Variants in CCNT2 observed in about 807,000 individuals in gnomAD.
CCNT2 encodes the protein cyclin T2.
A neutral mutation model predicts 70.0 loss-of-function variants in CCNT2; 18 were observed. That is an observed-to-expected ratio of 0.26 (90% CI 0.18 to 0.38). CCNT2 has a LOEUF of 0.38. Among genes scored for constraint, CCNT2 ranks in the 10% least tolerant of loss-of-function variants. The pLI, the probability that CCNT2 is intolerant of heterozygous loss-of-function variation, is 1.00. For missense variants in CCNT2, 734 were observed against 890.2 expected (o/e 0.82, Z 2.23); for synonymous variants, 334 against 313.3 (o/e 1.07, Z -0.70).
chr2:134,953,268 G>A lies in CCNT2; in HGVS notation c.813G>A (p.Gln271=). 6.2e-7 allele frequency: 1 copy of A among 1,613,532 alleles called. No individual in the cohort carries two copies. Among genetic ancestry groups the A allele is most frequent in the Non-Finnish European group, 8.5e-7 (1 of 1,179,514 alleles). The change falls in exon 9 of 9, where the codon CAG becomes CAA. Residue 271 remains glutamine (Q), a synonymous_variant. Coordinates refer to ENST00000264157, the MANE Select transcript of CCNT2 (RefSeq NM_058241.3). ...QAARKPKVDG[Q]VSETPLLGSS... ...CTAGGAAACCAAAAGTAGATGGACA[G>A]GTATCAGAGACACCACTTCTTGGTT...
In CCNT2 at chr2:134,936,972, A is replaced by G. The variant is rs765838900; in HGVS notation, c.369+3A>G. The stretch of plus-strand genomic sequence containing the variant: ...CACTGCTGGATACTAAATGTGATGT[A>G]TGTAAATACTGGGTTTTTTATTTTT... On this transcript the variant is annotated splice_donor_region_variant and intron_variant, in intron 3 of 8. Coordinates refer to ENST00000264157, the MANE Select transcript of CCNT2 (RefSeq NM_058241.3). 6 of 1,591,674 alleles carry G rather than the reference A, an allele frequency of 3.8e-6. No individual in the cohort carries two copies. The South Asian group carries it at 5.7e-5, about 15-fold the overall frequency.
chr2:134,923,678 C>T (rs1450505349), intron 2 of CCNT2, among the ~76,000 whole-genome samples: 2 of 152,190 alleles, frequency 1.3e-5, no homozygotes, highest in Non-Finnish European at 2.9e-5. Context: ...ATTAAGATCT[C>T]ACTATGCCAG....
intron 2 of CCNT2, among the ~76,000 whole-genome samples, chr2:134,928,217 C>T (rs2105024952): frequency 6.6e-6 from 1 of 151,548 alleles, no homozygotes; most frequent in South Asian, 2.1e-4. Flanking sequence ...CTGCATTGGC[C>T]TCCCACAGTG....
At chr2:134,945,879 T>G in intron 5 of CCNT2, 1 of 1,510,864 alleles carries the variant, frequency 6.6e-7, no homozygotes. Context: ...CAAATCGGCT[T>G]GTTTCTCAGA....
In CCNT2 at chr2:134,953,614, A is replaced by G. The variant is rs373321648; in HGVS notation, c.1159A>G (p.Ile387Val). ...YNINFQQGPSISLHSGLHHRP... is the reference protein window; with the variant it reads ...YNINFQQGPSVSLHSGLHHRP... ...CATCAACTTCCAGCAGGGACCTTCT[A>G]TATCACTGCATTCAGGATTACATCA... Residue 387 changes from isoleucine (I) to valine (V), a missense_variant, in exon 9 of 9, where the codon ATA becomes GTA. Coordinates refer to ENST00000264157, the MANE Select transcript of CCNT2 (RefSeq NM_058241.3). 3.5e-5 allele frequency: 57 copies of G among 1,614,026 alleles called. No homozygotes were observed. The highest frequency in any genetic ancestry group is 1.6e-4 in the East Asian group (7 of 44,888).
At chr2:134,923,724 A>G (rs1680082484) in intron 2 of CCNT2, among the ~76,000 whole-genome samples, 1 of 152,236 alleles carries the variant, frequency 6.6e-6, no homozygotes. Context: ...CAGGTAAAGT[A>G]TTCTCCTAAG....
intron 2 of CCNT2, among the ~76,000 whole-genome samples, chr2:134,923,653 C>A (rs1322262063): frequency 6.6e-6 from 1 of 152,122 alleles, no homozygotes; most frequent in Non-Finnish European, 1.5e-5. Context: ...CTATAAATTA[C>A]CTGGTTGAAA....
intron 5 of CCNT2, 50 bp downstream of exon 5, chr2:134,942,724 C>A: frequency 1.3e-6 from 2 of 1,494,582 alleles, no homozygotes; most frequent in Non-Finnish European, 9.1e-7. Flanking sequence ...TTTTTATTAT[C>A]TGTAATTGAT....
chr2:134,952,849 C>T, intron 8 of CCNT2, 138 bp downstream of exon 8: 2 of 647,214 alleles, frequency 3.1e-6, no homozygotes, highest in Non-Finnish European at 5.4e-6. Flanking sequence ...TACATATACT[C>T]ACATATTCAA....
At chr2:134,930,445 A>T (rs992610746) in intron 2 of CCNT2, among the ~76,000 whole-genome samples, 4 of 152,220 alleles carry the variant, frequency 2.6e-5, no homozygotes, top group African/African-American at 9.6e-5. Flanking sequence ...ATTATGAATA[A>T]TGCTGCTATG....
chr2:134,927,064 G>A (rs1168897098), intron 2 of CCNT2, among the ~76,000 whole-genome samples: 1 of 152,196 alleles, frequency 6.6e-6, no homozygotes, highest in Non-Finnish European at 1.5e-5. Context: ...ATCACTTGAA[G>A]TTTCTGTTAA....
chr2:134,945,927 G>A (rs1200506869), intron 5 of CCNT2, 174 bp from the exon 6 acceptor site: 5 of 1,534,754 alleles, frequency 3.3e-6, no homozygotes, highest in Non-Finnish European at 3.5e-6. Context: ...AGTGAATGTT[G>A]TTGAAGATTT....
rs759248845 is a variant in CCNT2 at position 134,953,801 on chromosome 2, A to T, written c.1346A>T (p.Asp449Val). Residue 449 changes from aspartate (D) to valine (V), a missense_variant, in exon 9 of 9, where the codon GAT becomes GTT. Asp to Val is a radical substitution (Grantham distance 152). Around this residue, in one of 3 missense-constraint regions of CCNT2, gnomAD observed 532 missense variants for 556.9 expected, o/e 0.96. Transcript: ENST00000264157. ...YREKRKLETL[D>V]LDVRDHYIAA... ...GAAAAGCGTAAACTAGAAACTCTTG[A>T]TCTCGATGTAAGGGATCATTATATA... The T allele has an allele frequency of 6.2e-7, 1 of 1,614,034 alleles. No individual in the cohort carries two copies. Among genetic ancestry groups the T allele is most frequent in the Non-Finnish European group, 8.5e-7 (1 of 1,179,916 alleles).
intron 2 of CCNT2, among the ~76,000 whole-genome samples, chr2:134,925,911 G>A (rs926796575): frequency 2.1e-4 from 30 of 146,160 alleles, no homozygotes; most frequent in African/African-American, 6.4e-4. Flanking sequence ...TGACACCCGG[G>A]CTGGAGTGCA....
At chr2:134,944,758 GT>G in intron 5 of CCNT2, 1 of 985,150 alleles carries the variant, frequency 1.0e-6, no homozygotes, top group Non-Finnish European at 1.2e-6. Context: ...GTGTCTTTTT[GT>G]TTTCTTTGCT....
intron 5 of CCNT2, 191 bp from the exon 6 acceptor site, chr2:134,945,910 A>C: frequency 6.5e-7 from 1 of 1,527,582 alleles, no homozygotes; most frequent in East Asian, 2.5e-5. Context: ...ATAGCAAGAA[A>C]CATTTGAGTG....
At position 134,952,672 on chromosome 2, in the gene CCNT2, G is replaced by A. The variant is rs201586820; in HGVS notation, c.735G>A (p.Glu245=). 6.2e-7 allele frequency: 1 copy of A among 1,603,062 alleles called. No homozygotes were observed. Among genetic ancestry groups the A allele is most frequent in the South Asian group, 1.1e-5 (1 of 89,136 alleles). Residue 245 remains glutamate (E), a synonymous_variant, in exon 8 of 9, where the codon GAG becomes GAA. Coordinates refer to ENST00000264157, the MANE Select transcript of CCNT2 (RefSeq NM_058241.3). The stretch of plus-strand genomic sequence containing the variant: ...CACATGAGTTTCTACAAATATTGGA[G>A]AAAACGCCTAATAGGTTGAAGAAGA... ...ELTHEFLQIL[E]KTPNRLKKIR... is the part of the protein sequence containing the mutation.
rs530552451 is a variant in CCNT2 at position 134,944,853 on chromosome 2, T to TG, written c.494-1247dup. ...TTCTGGATCACTGAATTTAGATACATGCCTAGGTGAAAACTGCTAATGGCA... is the reference window on the plus strand; with the variant it reads ...TTCTGGATCACTGAATTTAGATACATGGCCTAGGTGAAAACTGCTAATGGCA... On this transcript the variant is annotated intron_variant, in intron 5 of 8. Coordinates refer to ENST00000264157, the MANE Select transcript of CCNT2 (RefSeq NM_058241.3). 5.8e-5 allele frequency: 57 copies of TG among 985,210 alleles called. 1 individual carries two copies. In the African/African-American group the frequency reaches 8.4e-4, roughly 14 times the overall value. 61.0% of individuals were successfully genotyped at this position (985,210 alleles called of 1,614,324 possible). A position where few individuals can be genotyped will look rare whatever the true frequency, so the allele number is the denominator to read the frequency against.
chr2:134,932,402 A>G (rs1680848019), intron 2 of CCNT2, among the ~76,000 whole-genome samples: 2 of 152,176 alleles, frequency 1.3e-5, no homozygotes, highest in South Asian at 4.1e-4. Flanking sequence ...ATATTGTTTA[A>G]GTATAATGTA....
Sources: gnomAD v4.1 joint callset for allele counts (sites outside exome capture counted in the v4.1 genomes callset) on GRCh38, gnomAD v4.1.1 for gene constraint, gnomAD v4.1.1 regional missense constraint, MANE v1.5 for transcripts, NCBI Gene and HGNC (gene_info 2026-07-23, HGNC 2026-07-21) for gene names.